Variants in GALNTL6 observed in about 807,000 individuals in gnomAD.
GALNTL6 encodes the protein polypeptide N-acetylgalactosaminyltransferase like 6.
A neutral mutation model predicts 73.7 loss-of-function variants in GALNTL6; 46 were observed. That is an observed-to-expected ratio of 0.62 (90% CI 0.49 to 0.80). GALNTL6 has a LOEUF of 0.80. Ranked by LOEUF, GALNTL6 falls within the 30% of genes least tolerant of loss-of-function variation. GALNTL6 has a pLI of 0.00. For missense variants in GALNTL6, 604 were observed against 755.0 expected (o/e 0.80, Z 2.34); for synonymous variants, 259 against 263.7 (o/e 0.98, Z 0.17).
Position 172,513,047 on chromosome 4 carries a change from G to T in GALNTL6, c.553+164358G>T, listed in dbSNP as rs7680736. Among the ~76,000 whole-genome samples, 1,271 of 152,146 alleles carry T rather than the reference G, an allele frequency of 8.4e-3. 9 individuals are homozygous for T. The highest frequency in any genetic ancestry group is 0.029 in the African/African-American group (1,204 of 41,496). On this transcript the variant is annotated intron_variant, in intron 5 of 12. Coordinates refer to ENST00000506823, the MANE Select transcript of GALNTL6 (RefSeq NM_001034845.3). Reference sequence around the variant, plus strand: ...TGAGGGAATTAGTCCCTCAAATTTGGTTTCCAAACTTTTAGATGCATCTTC... The same window carrying T: ...TGAGGGAATTAGTCCCTCAAATTTGTTTTCCAAACTTTTAGATGCATCTTC...
Position 171,991,769 on chromosome 4 carries a change from C to CAT in GALNTL6, c.138+177060_138+177061dup, listed in dbSNP as rs571725004. ...ATATATATATATACACATATATATA[C>CAT]ATATATATATGATTATGTATATTAC... On this transcript the variant is annotated intron_variant, in intron 2 of 12. Coordinates refer to ENST00000506823, the MANE Select transcript of GALNTL6 (RefSeq NM_001034845.3). Among the ~76,000 whole-genome samples the CAT allele has an allele frequency of 8.6e-4, 116 of 135,212 alleles. 3 individuals are homozygous for CAT. In the East Asian group the frequency reaches 0.022, roughly 25 times the overall value. 88.7% of individuals were successfully genotyped at this position (135,212 alleles called of 152,430 possible).
chr4:172,178,678 A>T (rs1297257951), intron 2 of GALNTL6, among the ~76,000 whole-genome samples: 2 of 142,058 alleles, frequency 1.4e-5, no homozygotes, highest in Non-Finnish European at 3.0e-5. Flanking sequence ...ATTATACTTT[A>T]AGTTTTAGGG....
intron 2 of GALNTL6, among the ~76,000 whole-genome samples, chr4:171,965,960 C>A (rs1739371677): frequency 6.6e-6 from 1 of 152,104 alleles, no homozygotes; most frequent in Non-Finnish European, 1.5e-5. Context: ...TTGGTCAGAA[C>A]TATTGTAAGC....
chr4:172,080,822 T>C (rs1247368793), intron 2 of GALNTL6, among the ~76,000 whole-genome samples: 1 of 151,500 alleles, frequency 6.6e-6, no homozygotes, highest in Non-Finnish European at 1.5e-5. Context: ...TTGTGGTATA[T>C]AAATTTATAT....
At chr4:172,122,891 A>T (rs1733190965) in intron 2 of GALNTL6, among the ~76,000 whole-genome samples, 1 of 133,988 alleles carries the variant, frequency 7.5e-6, no homozygotes, top group Non-Finnish European at 1.7e-5. Context: ...GGAGAAATCC[A>T]GAAGAATTCA....
chr4:172,105,570 T>A (rs754577579), intron 2 of GALNTL6, among the ~76,000 whole-genome samples: 2 of 151,536 alleles, frequency 1.3e-5, no homozygotes, highest in Admixed American at 6.6e-5. Context: ...ATTGCATTGA[T>A]AATAATCAAA....
intron 2 of GALNTL6, among the ~76,000 whole-genome samples, chr4:171,855,448 G>A (rs927984546): frequency 2.0e-5 from 3 of 151,830 alleles, no homozygotes; most frequent in African/African-American, 7.2e-5. Flanking sequence ...TTTGTGGCTT[G>A]ATAACTCATT....
At position 172,606,582 on chromosome 4, in the gene GALNTL6, GTATATA is replaced by G. The variant is rs1406077972; in HGVS notation, c.554-202774_554-202769del. Among the ~76,000 whole-genome samples, 6 of 127,864 alleles carry G rather than the reference GTATATA, an allele frequency of 4.7e-5. No individual in the cohort carries two copies. In the South Asian group the frequency reaches 1.4e-3, roughly 30 times the overall value. The allele number at this position is 127,864 out of a possible 152,430, so 83.9% of individuals were successfully genotyped here. ...ATATATATACATATACATAGTATAT[GTATATA>G]TATACACATATATACATATATACAT... is the stretch of plus-strand genomic sequence containing the variant. On this transcript the variant is annotated intron_variant, in intron 5 of 12. Coordinates refer to ENST00000506823, the MANE Select transcript of GALNTL6 (RefSeq NM_001034845.3).
At chr4:171,845,401 G>T (rs1735343492) in intron 2 of GALNTL6, among the ~76,000 whole-genome samples, 1 of 152,136 alleles carries the variant, frequency 6.6e-6, no homozygotes, top group African/African-American at 2.4e-5. Context: ...AGGTAATATT[G>T]TCATGTCAGT....
At position 171,877,580 on chromosome 4, in the gene GALNTL6, C is replaced by T. The variant is rs1161105897; in HGVS notation, c.138+62862C>T. ...GTGTTTTGTTTTGTTTCTTTTTTAC[C>T]TTCTTTCATACAGTAGGAGCACTCA... On this transcript the variant is annotated intron_variant, in intron 2 of 12. Coordinates refer to ENST00000506823, the MANE Select transcript of GALNTL6 (RefSeq NM_001034845.3). Among the ~76,000 whole-genome samples, 10 of 151,228 alleles carry T rather than the reference C, an allele frequency of 6.6e-5. 1 individual carries two copies. Among genetic ancestry groups the T allele is most frequent in the Admixed American group, 6.6e-4 (10 of 15,196 alleles).
At chr4:172,161,375 T>TC (rs887992930) in intron 2 of GALNTL6, among the ~76,000 whole-genome samples, 24 of 152,170 alleles carry the variant, frequency 1.6e-4, no homozygotes, top group African/African-American at 5.1e-4. Context: ...GCATGGTTTT[T>TC]CCAAAATTAG....
intron 5 of GALNTL6, among the ~76,000 whole-genome samples, chr4:172,786,068 A>C (rs1174361663): frequency 6.6e-6 from 1 of 152,162 alleles, no homozygotes; most frequent in East Asian, 1.9e-4. Context: ...ATGTGCCTTG[A>C]ATTTTCTAGG....
intron 5 of GALNTL6, among the ~76,000 whole-genome samples, chr4:172,728,741 C>T (rs60518321): frequency 3.9e-4 from 59 of 152,158 alleles, no homozygotes; most frequent in African/African-American, 1.3e-3. Context: ...ATATATACAC[C>T]GTAGTAGAAT....
intron 5 of GALNTL6, among the ~76,000 whole-genome samples, chr4:172,497,164 T>C (rs958593864): frequency 6.6e-6 from 1 of 152,208 alleles, no homozygotes; most frequent in African/African-American, 2.4e-5. Context: ...GAGGGATTTA[T>C]AGTAGAAACT....
intron 8 of GALNTL6, among the ~76,000 whole-genome samples, chr4:172,892,398 G>A (rs1293601241): frequency 6.6e-6 from 1 of 152,206 alleles, no homozygotes; most frequent in East Asian, 1.9e-4. Context: ...CTTTCAAAGG[G>A]CCAGGGCTCT....
At chr4:172,333,892 T>G (rs1741218806) in intron 4 of GALNTL6, among the ~76,000 whole-genome samples, 1 of 152,200 alleles carries the variant, frequency 6.6e-6, no homozygotes, top group Non-Finnish European at 1.5e-5. Flanking sequence ...TCTAGTTTTA[T>G]TCTTCTGCAT....
intron 5 of GALNTL6, among the ~76,000 whole-genome samples, chr4:172,427,273 T>C: frequency 6.6e-6 from 1 of 152,062 alleles, no homozygotes; most frequent in South Asian, 2.1e-4. Flanking sequence ...TGGCAGAAGG[T>C]GAATGTGGAA....
At chr4:173,020,087 A>G (rs932213436) in intron 11 of GALNTL6, among the ~76,000 whole-genome samples, 1 of 152,244 alleles carries the variant, frequency 6.6e-6, no homozygotes, top group Admixed American at 6.5e-5. Context: ...TAAGAATTAC[A>G]TAACCTTCCT....
chr4:172,832,667 A>C (rs1413048711), intron 7 of GALNTL6, among the ~76,000 whole-genome samples: 1 of 152,214 alleles, frequency 6.6e-6, no homozygotes, highest in Non-Finnish European at 1.5e-5. Context: ...AGGAGCAGAC[A>C]GCCTGAGGAG....
Sources: gnomAD v4.1 joint callset for allele counts (sites outside exome capture counted in the v4.1 genomes callset) on GRCh38, gnomAD v4.1.1 for gene constraint, MANE v1.5 for transcripts, NCBI Gene and HGNC (gene_info 2026-07-23, HGNC 2026-07-21) for gene names.